BBX: variants seen among roughly 807,000 people sequenced by gnomAD.
BBX encodes BBX high mobility group box domain containing, also known as HMG box transcription factor BBX.
In BBX, 30 loss-of-function variants were observed where a neutral mutation model predicts 100.2. The observed-to-expected ratio is 0.30, with a 90% confidence interval of 0.22 to 0.41. The LOEUF is 0.41. BBX is among the 10% of genes least tolerant of loss of function. The pLI is 1.00. For missense variants in BBX, 1,023 were observed against 1,129.8 expected (o/e 0.91, Z 1.35); for synonymous variants, 376 against 388.1 (o/e 0.97, Z 0.37).
At chr3:107,724,840 G>C (rs1276781655) in intron 5 of BBX, among the ~76,000 whole-genome samples, 1 of 152,130 alleles carries the variant, frequency 6.6e-6, no homozygotes, top group African/African-American at 2.4e-5. Context: ...GTCAGGTAGC[G>C]TGATGCCTCC....
intron 16 of BBX, among the ~76,000 whole-genome samples, chr3:107,799,216 G>T (rs1224216826): frequency 2.0e-5 from 3 of 152,012 alleles, no homozygotes; most frequent in Non-Finnish European, 4.4e-5. Context: ...TTACGAATTT[G>T]TGTTGGGCTG....
intron 4 of BBX, among the ~76,000 whole-genome samples, chr3:107,714,899 C>T (rs929647705): frequency 6.6e-6 from 1 of 152,038 alleles, no homozygotes; most frequent in Non-Finnish European, 1.5e-5. Context: ...AATTCTCCTG[C>T]CTCAGTCTCC....
At chr3:107,532,560 G>T (rs1198385411) in intron 2 of BBX, among the ~76,000 whole-genome samples, 1 of 152,166 alleles carries the variant, frequency 6.6e-6, no homozygotes, top group Non-Finnish European at 1.5e-5. Context: ...CACTTGAAAA[G>T]AGGGGCAAGC....
chr3:107,561,877 AT>A, intron 2 of BBX, among the ~76,000 whole-genome samples: 1 of 152,272 alleles, frequency 6.6e-6, no homozygotes, highest in Middle Eastern at 3.4e-3. Context: ...CACTTTCATT[AT>A]TTCTTTTTCA....
At chr3:107,753,024 T>C (rs1054938692) in intron 9 of BBX, among the ~76,000 whole-genome samples, 5 of 152,148 alleles carry the variant, frequency 3.3e-5, no homozygotes, top group Non-Finnish European at 7.4e-5. Flanking sequence ...ATAGATGAGA[T>C]TACTGAGAGA....
At chr3:107,655,686 T>C (rs2058093797) in intron 3 of BBX, among the ~76,000 whole-genome samples, 2 of 150,994 alleles carry the variant, frequency 1.3e-5, no homozygotes, top group South Asian at 4.2e-4. Flanking sequence ...CCTGGCTAAG[T>C]TTCTTTAAAT....
intron 10 of BBX, among the ~76,000 whole-genome samples, chr3:107,769,241 G>GATAGACAGACAGACA (rs1553814743): frequency 2.9e-5 from 4 of 139,026 alleles, no homozygotes; most frequent in African/African-American, 1.2e-4. Context: ...CAGATAGATA[G>GATAGACAGACAGACA]GATAGATAGA....
chr3:107,717,683 A>G (rs1226909743), intron 5 of BBX, among the ~76,000 whole-genome samples: 4 of 152,128 alleles, frequency 2.6e-5, no homozygotes, highest in Non-Finnish European at 4.4e-5. Flanking sequence ...TTCCAGAATG[A>G]TAGCAGTTAC....
rs2070012811 is a variant in BBX, at chr3:107,798,547, C to G, written c.2378C>G (p.Thr793Ser). Residue 793 changes from threonine (T) to serine (S), a missense_variant, in exon 16 of 18, where the codon ACC (threonine) becomes AGC (serine). Coordinates refer to ENST00000325805, the MANE Select transcript of BBX (RefSeq NM_001142568.3). ...TEAIFSEDRNTMEPVHKVKNI... is the reference protein window; with the variant it reads ...TEAIFSEDRNSMEPVHKVKNI... Reference sequence around the variant, plus strand: ...GCCATATTTTCAGAAGACAGAAACACCATGGAGCCTGTTCATAAGGTTAAA... The same window carrying G: ...GCCATATTTTCAGAAGACAGAAACAGCATGGAGCCTGTTCATAAGGTTAAA... 4 of 1,613,996 alleles carry G rather than the reference C, an allele frequency of 2.5e-6. No homozygotes were observed. In the East Asian group the frequency reaches 8.9e-5, roughly 36 times the overall value.
At chr3:107,628,454 T>C (rs1302471098) in intron 2 of BBX, among the ~76,000 whole-genome samples, 2 of 152,080 alleles carry the variant, frequency 1.3e-5, no homozygotes, top group African/African-American at 4.8e-5. Flanking sequence ...AATACAAAAC[T>C]AATCATTTGA....
chr3:107,610,768 T>C (rs1457483762), intron 2 of BBX, among the ~76,000 whole-genome samples: 2 of 151,788 alleles, frequency 1.3e-5, no homozygotes, highest in Admixed American at 6.6e-5. Context: ...ATATTTCTTA[T>C]AGGCAACAGA....
At chr3:107,604,459 T>G (rs926977112) in intron 2 of BBX, among the ~76,000 whole-genome samples, 4 of 152,160 alleles carry the variant, frequency 2.6e-5, no homozygotes, top group African/African-American at 9.7e-5. Context: ...TTGCTCTTGT[T>G]TGTCACTATT....
chr3:107,755,473 G>A (rs1165838071), intron 9 of BBX, 125 bp from the exon 10 acceptor site: 1 of 723,388 alleles, frequency 1.4e-6, no homozygotes, highest in Non-Finnish European at 2.3e-6. Context: ...GACATGTTTT[G>A]TTACTTGGTA....
At chr3:107,761,475 G>C (rs1199106440) in intron 10 of BBX, among the ~76,000 whole-genome samples, 1 of 152,160 alleles carries the variant, frequency 6.6e-6, no homozygotes, top group African/African-American at 2.4e-5. Context: ...AACTGGAATT[G>C]AGAGAGCTGA....
intron 3 of BBX, among the ~76,000 whole-genome samples, chr3:107,673,005 T>G (rs2059099763): frequency 1.3e-5 from 2 of 152,060 alleles, no homozygotes; most frequent in African/African-American, 2.4e-5. Flanking sequence ...TTGAGCAAAT[T>G]TCTTAATTTT....
At chr3:107,779,398 A>G (rs2067641718) in intron 13 of BBX, among the ~76,000 whole-genome samples, 1 of 152,018 alleles carries the variant, frequency 6.6e-6, no homozygotes, top group Non-Finnish European at 1.5e-5. Context: ...TGATAGGGAA[A>G]ATGTACCTCT....
intron 7 of BBX, among the ~76,000 whole-genome samples, chr3:107,740,391 A>G (rs993341876): frequency 1.3e-5 from 2 of 152,016 alleles, no homozygotes; most frequent in Admixed American, 6.6e-5. Flanking sequence ...CTTTCCAGAC[A>G]ATTACTGAAG....
At chr3:107,718,249 A>G in intron 5 of BBX, among the ~76,000 whole-genome samples, 1 of 147,576 alleles carries the variant, frequency 6.8e-6, no homozygotes, top group Middle Eastern at 3.6e-3. Context: ...TAATATAACT[A>G]TTATAATAGT....
intron 2 of BBX, among the ~76,000 whole-genome samples, chr3:107,634,041 A>G (rs1055430313): frequency 1.3e-5 from 2 of 152,142 alleles, no homozygotes; most frequent in East Asian, 1.9e-4. Flanking sequence ...ATGTCACTTC[A>G]CATGCTTTTC....
Sources: allele counts gnomAD v4.1 joint callset (sites outside exome capture counted in the v4.1 genomes callset), GRCh38; gene constraint gnomAD v4.1.1; transcripts MANE v1.5; gene names NCBI Gene and HGNC (gene_info 2026-07-23, HGNC 2026-07-21).